Variants in GCH1 observed in about 807,000 individuals in gnomAD.
GCH1 encodes the protein GTP cyclohydrolase I.
In GCH1, 5 loss-of-function variants were observed where a neutral mutation model predicts 25.9. That is an observed-to-expected ratio of 0.19 (90% CI 0.10 to 0.41). GCH1 has a LOEUF of 0.41. Among genes scored for constraint, GCH1 ranks in the 10% least tolerant of loss-of-function variants. GCH1 has a pLI of 1.00. For synonymous variants in GCH1, 159 were observed against 129.6 expected (o/e 1.23, Z -1.54); for missense variants, 261 against 336.5 (o/e 0.78, Z 1.75).
intron 2 of GCH1, among the ~76,000 whole-genome samples, chr14:54,861,385 T>C (rs1175259702): frequency 6.6e-6 from 1 of 152,210 alleles, no homozygotes; most frequent in Non-Finnish European, 1.5e-5. Flanking sequence ...AATTTGTTCA[T>C]TGTTTATACT....
chr14:54,850,253 T>G (rs1021667585), intron 3 of GCH1, among the ~76,000 whole-genome samples: 5 of 151,838 alleles, frequency 3.3e-5, no homozygotes, highest in Admixed American at 3.3e-4. Flanking sequence ...ATTAAAGGTG[T>G]GAGCCACCAC....
intron 1 of GCH1, among the ~76,000 whole-genome samples, chr14:54,897,451 G>A (rs112159692): frequency 0.091 from 13,775 of 151,922 alleles, 749 homozygotes; most frequent in East Asian, 0.19. Flanking sequence ...ACCACACCTG[G>A]CTAATTTTTG....
At chr14:54,870,123 G>A (rs959821296) in intron 1 of GCH1, among the ~76,000 whole-genome samples, 11 of 152,204 alleles carry the variant, frequency 7.2e-5, no homozygotes, top group Non-Finnish European at 1.2e-4. Flanking sequence ...AACTGCATAC[G>A]TTTGTTAAAA....
intron 1 of GCH1, among the ~76,000 whole-genome samples, chr14:54,881,396 C>A (rs1234044624): frequency 2.0e-5 from 3 of 152,036 alleles, no homozygotes; most frequent in African/African-American, 7.2e-5. Context: ...TTGCTTTCTA[C>A]CACCTGTTTG....
chr14:54,849,743 C>T (rs941851311), intron 3 of GCH1, among the ~76,000 whole-genome samples: 4 of 152,086 alleles, frequency 2.6e-5, no homozygotes, highest in African/African-American at 9.7e-5. Context: ...TTATACCCTC[C>T]CAGTCTTCCA....
At chr14:54,845,642 G>A in intron 5 of GCH1, 126 bp downstream of exon 5, 2 of 746,656 alleles carry the variant, frequency 2.7e-6, no homozygotes, top group Non-Finnish European at 5.0e-6. Flanking sequence ...GCTCAGGGAT[G>A]GAAATCTACA....
Position 54,900,305 on chromosome 14 carries a change from G to A in GCH1, c.343+2016C>T, listed in dbSNP as rs545947925. Among the ~76,000 whole-genome samples the A allele has an allele frequency of 1.8e-4, 27 of 152,066 alleles. No homozygotes were observed. The East Asian group carries it at 4.6e-3, about 26-fold the overall frequency. The stretch of plus-strand genomic sequence containing the variant: ...GCTCACTGCAACCTCCTCCTCCTGG[G>A]TTCAAGTGATTCTCCTGCCTCAGCC... On this transcript the variant is annotated intron_variant, in intron 1 of 5. Transcript: ENST00000491895.
rs2039598895 is a variant in GCH1, at chr14:54,843,954, GGACA to G, written c.*59_*62del. 4 of 1,613,786 alleles carry G rather than the reference GGACA, an allele frequency of 2.5e-6. No homozygotes were observed. The East Asian group carries it at 6.7e-5, about 27-fold the overall frequency. Reference sequence around the variant, plus strand: ...GAAAATGGAATGTACAAACAAGACCGGACAGACAGACAATGCTACTGGCAGTACG... The same window carrying G: ...GAAAATGGAATGTACAAACAAGACCGGACAGACAATGCTACTGGCAGTACG... On this transcript the variant is annotated 3_prime_UTR_variant, in exon 6 of 6. Coordinates refer to ENST00000491895, the MANE Select transcript of GCH1 (RefSeq NM_000161.3).
chr14:54,898,380 T>C (rs1436279430), intron 1 of GCH1, among the ~76,000 whole-genome samples: 3 of 152,164 alleles, frequency 2.0e-5, no homozygotes, highest in South Asian at 2.1e-4. Flanking sequence ...AGTGAATGCA[T>C]GGTAAGTGAA....
chr14:54,870,546 G>A (rs1226195545), intron 1 of GCH1, among the ~76,000 whole-genome samples: 1 of 152,190 alleles, frequency 6.6e-6, no homozygotes, highest in Non-Finnish European at 1.5e-5. Flanking sequence ...AAAGCAGGGC[G>A]AGGCGTCACC....
intron 3 of GCH1, among the ~76,000 whole-genome samples, chr14:54,849,564 T>C (rs2039694284): frequency 6.6e-6 from 1 of 152,248 alleles, no homozygotes; most frequent in African/African-American, 2.4e-5. Context: ...TGCAATTTAC[T>C]ATGTTTTAAT....
rs2040235575 is a variant in GCH1, at chr14:54,880,513, T to TACTCCATATATATATAC, written c.344-15078_344-15077insGTATATATATATGGAGT. ...TATATATATACTCCATATATATATA[T>TACTCCATATATATATAC]ACTCCATATATATATATATACTCCA... is the stretch of plus-strand genomic sequence containing the variant. On this transcript the variant is annotated intron_variant, in intron 1 of 5. Transcript: ENST00000491895. 7.2e-5 allele frequency among the ~76,000 whole-genome samples: 7 copies of TACTCCATATATATATAC among 96,884 alleles called. 2 individuals carry two copies. The highest frequency in any genetic ancestry group is 3.0e-4 in the African/African-American group (7 of 23,132). The allele number at this position is 96,884 out of a possible 152,430, so 63.6% of individuals were successfully genotyped here.
intron 1 of GCH1, among the ~76,000 whole-genome samples, chr14:54,875,170 A>G (rs1307901799): frequency 3.3e-5 from 5 of 152,190 alleles, no homozygotes; most frequent in East Asian, 1.9e-4. Flanking sequence ...GTAATGCCGC[A>G]TATCTACAAC....
Position 54,890,371 on chromosome 14 carries a change from C to A in GCH1, c.343+11950G>T, listed in dbSNP as rs150090109. Among the ~76,000 whole-genome samples the A allele has an allele frequency of 9.5e-3, 1,444 of 152,278 alleles. 29 individuals are homozygous for A. The highest frequency in any genetic ancestry group is 0.033 in the African/African-American group (1,357 of 41,556). On this transcript the variant is annotated intron_variant, in intron 1 of 5. Coordinates refer to ENST00000491895, the MANE Select transcript of GCH1 (RefSeq NM_000161.3). ...AATTAGCCAGGCTTGGTGGCGCATG[C>A]CTATAATCCCAGCTACTTGGGAAGG...
chr14:54,892,253 G>C (rs889760892), intron 1 of GCH1, among the ~76,000 whole-genome samples: 2 of 152,170 alleles, frequency 1.3e-5, no homozygotes, highest in Middle Eastern at 3.2e-3. Context: ...AATCCAGTTT[G>C]GTACTACCCT....
chr14:54,872,477 G>A (rs1044709081), intron 1 of GCH1, among the ~76,000 whole-genome samples: 7 of 152,132 alleles, frequency 4.6e-5, no homozygotes, highest in South Asian at 4.1e-4. Flanking sequence ...ATAATGACAG[G>A]ATCAAATTCA....
At chr14:54,891,348 C>T (rs535899613) in intron 1 of GCH1, among the ~76,000 whole-genome samples, 75 of 151,538 alleles carry the variant, frequency 4.9e-4, no homozygotes, top group Admixed American at 3.4e-3. Context: ...TCAAATGATA[C>T]GCCCTCCTTG....
At chr14:54,890,059 A>G (rs1206452867) in intron 1 of GCH1, among the ~76,000 whole-genome samples, 1 of 152,216 alleles carries the variant, frequency 6.6e-6, no homozygotes, top group African/African-American at 2.4e-5. Flanking sequence ...AGGACAAGCT[A>G]GGAGGCAAGA....
chr14:54,883,036 G>A (rs1201205064), intron 1 of GCH1, among the ~76,000 whole-genome samples: 1 of 152,188 alleles, frequency 6.6e-6, no homozygotes, highest in East Asian at 1.9e-4. Flanking sequence ...GCTGGGGTGG[G>A]AGCACACAGG....
Sources: gnomAD v4.1 joint callset for allele counts (sites outside exome capture counted in the v4.1 genomes callset) on GRCh38, gnomAD v4.1.1 for gene constraint, MANE v1.5 for transcripts, NCBI Gene and HGNC (gene_info 2026-07-23, HGNC 2026-07-21) for gene names.